SLC2A13: variants seen among roughly 807,000 people sequenced by gnomAD.
SLC2A13 encodes solute carrier family 2 member 13, also known as proton myo-inositol cotransporter.
SLC2A13 carries 32 observed loss-of-function variants against 64.4 expected under a neutral mutation model. The ratio of observed to expected loss-of-function variants is 0.50; its 90% confidence interval spans 0.37 to 0.67. The LOEUF (loss-of-function observed/expected upper bound fraction) is 0.67. Ranked by LOEUF, SLC2A13 falls within the 30% of genes least tolerant of loss-of-function variation. The pLI, the probability that SLC2A13 is intolerant of heterozygous loss-of-function variation, is 0.00. For synonymous variants in SLC2A13, 338 were observed against 327.1 expected (o/e 1.03, Z -0.36); for missense variants, 743 against 829.2 (o/e 0.90, Z 1.28).
intron 4 of SLC2A13, among the ~76,000 whole-genome samples, chr12:39,903,492 C>A (rs1330263957): frequency 3.3e-5 from 5 of 152,008 alleles, no homozygotes; most frequent in Non-Finnish European, 7.4e-5. Context: ...CCATTCTAGG[C>A]CCTGTGTTTT....
At chr12:39,768,261 A>T (rs1026003261) in intron 7 of SLC2A13, among the ~76,000 whole-genome samples, 1 of 152,106 alleles carries the variant, frequency 6.6e-6, no homozygotes, top group African/African-American at 2.4e-5. Context: ...GCTTAAGGGA[A>T]TGTTGTGGCT....
intron 4 of SLC2A13, among the ~76,000 whole-genome samples, chr12:39,934,661 G>C (rs1945887358): frequency 6.6e-6 from 1 of 152,214 alleles, no homozygotes; most frequent in African/African-American, 2.4e-5. Context: ...GAAGAATCCA[G>C]GAGGAGGCTG....
At chr12:40,034,192 T>C (rs1947944167) in intron 2 of SLC2A13, among the ~76,000 whole-genome samples, 1 of 152,206 alleles carries the variant, frequency 6.6e-6, no homozygotes, top group Non-Finnish European at 1.5e-5. Context: ...AGCTGAATTC[T>C]ACTAAGAGAA....
At chr12:39,915,116 A>C (rs1945501870) in intron 4 of SLC2A13, among the ~76,000 whole-genome samples, 1 of 152,048 alleles carries the variant, frequency 6.6e-6, no homozygotes, top group Non-Finnish European at 1.5e-5. Context: ...TGCAGCAGTT[A>C]AAAGAATTAA....
chr12:39,985,363 G>C lies in SLC2A13; in HGVS notation c.926-33998C>G, dbSNP rs570122358. Among the ~76,000 whole-genome samples the C allele has an allele frequency of 2.6e-5, 4 of 152,230 alleles. No homozygotes were observed. In the East Asian group the frequency reaches 7.7e-4, roughly 29 times the overall value. ...GCCATTATTTGCATTCTCTGATGCA[G>C]ATTACCTCTGCTTATTTAATAAAAG... On this transcript the variant is annotated intron_variant, in intron 3 of 9. Coordinates refer to ENST00000280871, the MANE Select transcript of SLC2A13 (RefSeq NM_052885.4).
At chr12:40,089,468 T>A (rs1938690566) in intron 1 of SLC2A13, among the ~76,000 whole-genome samples, 1 of 152,198 alleles carries the variant, frequency 6.6e-6, no homozygotes, top group African/African-American at 2.4e-5. Flanking sequence ...TCTGGCAGCT[T>A]TGATGAAACC....
chr12:39,776,571 G>A (rs1315787895), intron 7 of SLC2A13, among the ~76,000 whole-genome samples: 1 of 152,218 alleles, frequency 6.6e-6, no homozygotes, highest in African/African-American at 2.4e-5. Flanking sequence ...GAAGCCTGTA[G>A]GCAGAGGCCA....
rs1193979816 is a variant in SLC2A13 at position 39,799,081 on chromosome 12, CT to C, written c.1445+31021del. Among the ~76,000 whole-genome samples the C allele has an allele frequency of 8.5e-3, 1,138 of 133,466 alleles. 7 individuals carry two copies. Among genetic ancestry groups the C allele is most frequent in the African/African-American group, 0.023 (816 of 36,124 alleles). The allele number at this position is 133,466 out of a possible 152,430, so 87.6% of individuals were successfully genotyped here. A position where few individuals can be genotyped will look rare whatever the true frequency, so the allele number is the denominator to read the frequency against. ...ACTGTTCTGGTTTTTTTTTTTTTTC[CT>C]TTTTTTTTTTTTTTAGACTCAGAGT... is the stretch of plus-strand genomic sequence containing the variant. On this transcript the variant is annotated intron_variant, in intron 7 of 9. Coordinates refer to ENST00000280871, the MANE Select transcript of SLC2A13 (RefSeq NM_052885.4).
At chr12:39,976,431 ATTCTAGCTGAAGCAG>A (rs1946758875) in intron 3 of SLC2A13, among the ~76,000 whole-genome samples, 1 of 152,252 alleles carries the variant, frequency 6.6e-6, no homozygotes, top group Non-Finnish European at 1.5e-5. Context: ...AGAGAGATAT[ATTCTAGCTGAAGCAG>A]ACCATATATG....
intron 4 of SLC2A13, among the ~76,000 whole-genome samples, chr12:39,888,274 G>C (rs1454435877): frequency 2.0e-5 from 3 of 152,030 alleles, no homozygotes; most frequent in Non-Finnish European, 4.4e-5. Context: ...ACCCAGGCTG[G>C]AGTGCAGTGG....
At chr12:40,078,319 G>A (rs897716036) in intron 1 of SLC2A13, among the ~76,000 whole-genome samples, 1 of 152,068 alleles carries the variant, frequency 6.6e-6, no homozygotes, top group African/African-American at 2.4e-5. Flanking sequence ...TTTGAGGTTT[G>A]TTCCTTCAAT....
At chr12:40,052,897 A>C (rs1242324896) in intron 1 of SLC2A13, among the ~76,000 whole-genome samples, 3 of 152,178 alleles carry the variant, frequency 2.0e-5, no homozygotes, top group African/African-American at 7.2e-5. Flanking sequence ...GGAACTGAGA[A>C]GGTTCATGAC....
intron 3 of SLC2A13, among the ~76,000 whole-genome samples, chr12:39,985,598 A>G (rs916217931): frequency 1.7e-4 from 26 of 152,182 alleles, no homozygotes; most frequent in Admixed American, 2.0e-4. Context: ...GTAGACAAGA[A>G]GGCTGCTTTT....
intron 1 of SLC2A13, among the ~76,000 whole-genome samples, chr12:40,058,595 T>G (rs1453422382): frequency 6.6e-6 from 1 of 152,200 alleles, no homozygotes; most frequent in Admixed American, 6.5e-5. Context: ...GCCAAAATTA[T>G]TTTAATGGAC....
intron 2 of SLC2A13, among the ~76,000 whole-genome samples, chr12:40,042,325 C>G (rs1948102293): frequency 6.6e-6 from 1 of 151,776 alleles, no homozygotes; most frequent in Non-Finnish European, 1.5e-5. Context: ...TATACCTATC[C>G]CTATTAATAC....
At chr12:39,862,758 C>T (rs1391560661) in intron 6 of SLC2A13, among the ~76,000 whole-genome samples, 1 of 152,058 alleles carries the variant, frequency 6.6e-6, no homozygotes, top group East Asian at 1.9e-4. Flanking sequence ...TTATGGGGTA[C>T]ATGTCATATT....
chr12:39,978,662 G>A (rs949506564), intron 3 of SLC2A13, among the ~76,000 whole-genome samples: 6 of 152,130 alleles, frequency 3.9e-5, no homozygotes, highest in African/African-American at 9.7e-5. Flanking sequence ...CACCTGGCTC[G>A]GAGGGTCCTA....
intron 1 of SLC2A13, among the ~76,000 whole-genome samples, chr12:40,094,070 T>C (rs1435092327): frequency 2.0e-5 from 3 of 152,098 alleles, no homozygotes; most frequent in Non-Finnish European, 2.9e-5. Context: ...GTGGAAGTGA[T>C]AAGAAACAGA....
At chr12:40,003,562 C>T (rs776557512) in intron 3 of SLC2A13, among the ~76,000 whole-genome samples, 21 of 151,998 alleles carry the variant, frequency 1.4e-4, no homozygotes, top group Non-Finnish European at 5.9e-5. Context: ...TCCCTATCAA[C>T]GTGTATTACT....
Sources: allele counts gnomAD v4.1 joint callset (sites outside exome capture counted in the v4.1 genomes callset), GRCh38; gene constraint gnomAD v4.1.1; transcripts MANE v1.5; gene names NCBI Gene and HGNC (gene_info 2026-07-23, HGNC 2026-07-21).